AGBL4: variants seen among roughly 807,000 people sequenced by gnomAD.
AGBL4 encodes the protein AGBL carboxypeptidase 4, also known as cytosolic carboxypeptidase 6.
In AGBL4, 58 loss-of-function variants were observed where a neutral mutation model predicts 66.4. That is an observed-to-expected ratio of 0.87 (90% CI 0.71 to 1.09). The LOEUF (loss-of-function observed/expected upper bound fraction) is 1.09, where lower values mean the gene tolerates loss of function less well. AGBL4 is among the 50% of genes least tolerant of loss of function. The probability of loss-of-function intolerance (pLI) is 0.00; values close to 1 mark genes in which losing one functional copy is unlikely to be tolerated. For synonymous variants in AGBL4, 234 were observed against 222.9 expected, an observed-to-expected ratio of 1.05 and a Z score of -0.44; for missense variants, 579 against 631.0, an observed-to-expected ratio of 0.92 and a Z score of 0.88.
chr1:48,711,394 G>A (rs1646965249), intron 6 of AGBL4, among the ~76,000 whole-genome samples: 1 of 152,194 alleles, frequency 6.6e-6, no homozygotes, highest in Non-Finnish European at 1.5e-5. Context: ...GTGTGAGTTT[G>A]TGGGTCCCAG....
At chr1:49,677,793 C>G (rs1298639470) in intron 3 of AGBL4, among the ~76,000 whole-genome samples, 2 of 152,022 alleles carry the variant, frequency 1.3e-5, no homozygotes, top group Non-Finnish European at 2.9e-5. Flanking sequence ...GGATCAGTAC[C>G]CTTATAAGAA....
intron 11 of AGBL4, among the ~76,000 whole-genome samples, chr1:48,574,257 G>A (rs911728696): frequency 6.6e-6 from 1 of 152,126 alleles, no homozygotes; most frequent in Non-Finnish European, 1.5e-5. Context: ...CCAATTCTGA[G>A]TTTCTGTACT....
chr1:49,789,194 C>A (rs1447741605), intron 2 of AGBL4, among the ~76,000 whole-genome samples: 1 of 152,154 alleles, frequency 6.6e-6, no homozygotes, highest in Non-Finnish European at 1.5e-5. Context: ...ATGAAGCTGA[C>A]TTGATCGTGC....
intron 3 of AGBL4, among the ~76,000 whole-genome samples, chr1:49,585,801 A>G (rs1644636667): frequency 1.3e-5 from 2 of 152,194 alleles, no homozygotes; most frequent in Non-Finnish European, 2.9e-5. Flanking sequence ...GCTATGACAA[A>G]TATACAAACA....
chr1:48,717,948 T>TGCTG (rs1363107140), intron 6 of AGBL4, among the ~76,000 whole-genome samples: 2 of 152,198 alleles, frequency 1.3e-5, no homozygotes, highest in African/African-American at 2.4e-5. Context: ...ATGAATTATT[T>TGCTG]GCTGTAGCTT....
At chr1:49,485,644 A>G (rs977469471) in intron 3 of AGBL4, among the ~76,000 whole-genome samples, 1 of 151,884 alleles carries the variant, frequency 6.6e-6, no homozygotes, top group Non-Finnish European at 1.5e-5. Flanking sequence ...ATTAAAAAAA[A>G]AAAGAATGAG....
intron 3 of AGBL4, among the ~76,000 whole-genome samples, chr1:49,538,174 T>TA (rs1485032365): frequency 6.6e-6 from 1 of 152,208 alleles, no homozygotes; most frequent in Admixed American, 6.5e-5. Flanking sequence ...GCACTATTCA[T>TA]AATAACAAAG....
chr1:49,147,016 G>C (rs1020431835), intron 4 of AGBL4, among the ~76,000 whole-genome samples: 1 of 152,224 alleles, frequency 6.6e-6, no homozygotes, highest in Non-Finnish European at 1.5e-5. Flanking sequence ...TGACCTTATA[G>C]AGAAGCAGAA....
intron 2 of AGBL4, among the ~76,000 whole-genome samples, chr1:49,827,201 G>A (rs188027191): frequency 6.3e-4 from 95 of 151,926 alleles, no homozygotes; most frequent in African/African-American, 2.1e-3. Flanking sequence ...AGAGATATGC[G>A]GTATATCAGT....
intron 4 of AGBL4, among the ~76,000 whole-genome samples, chr1:49,231,565 G>T (rs888082640): frequency 2.0e-5 from 3 of 152,192 alleles, no homozygotes; most frequent in Non-Finnish European, 4.4e-5. Context: ...TGCAGAAAGT[G>T]CAGTATTTAA....
intron 3 of AGBL4, among the ~76,000 whole-genome samples, chr1:49,323,112 T>G (rs1035566839): frequency 1.2e-4 from 18 of 152,228 alleles, no homozygotes; most frequent in Non-Finnish European, 2.9e-5. Flanking sequence ...AGAAACAGTT[T>G]TGATTGTAAA....
chr1:48,731,549 G>A (rs1407873555), intron 6 of AGBL4, among the ~76,000 whole-genome samples: 1 of 152,202 alleles, frequency 6.6e-6, no homozygotes, highest in Non-Finnish European at 1.5e-5. Flanking sequence ...AAAGGTCAGA[G>A]ATGATTTCCT....
At chr1:48,916,835 G>A (rs10430111) in intron 5 of AGBL4, among the ~76,000 whole-genome samples, 15,804 of 152,166 alleles carry the variant, frequency 0.1, 922 homozygotes, top group African/African-American at 0.12. Context: ...CTTTGATAAG[G>A]ATTGAATGAG....
At position 49,061,926 on chromosome 1, in the gene AGBL4, C is replaced by T. The variant is rs546053522; in HGVS notation, c.378-16126G>A. Among the ~76,000 whole-genome samples, 9 of 152,286 alleles carry T rather than the reference C, an allele frequency of 5.9e-5. No homozygotes were observed. The East Asian group carries it at 1.5e-3, about 26-fold the overall frequency. On this transcript the variant is annotated intron_variant, in intron 4 of 13. Coordinates refer to ENST00000371839, the MANE Select transcript of AGBL4 (RefSeq NM_032785.4). ...AACTCTCTAGAGCAGGGGTCCCCAA[C>T]CCCTGGGGCCACGGACAGGCCACAC...
chr1:48,977,988 C>T (rs1234194230), intron 5 of AGBL4, among the ~76,000 whole-genome samples: 1 of 152,136 alleles, frequency 6.6e-6, no homozygotes, highest in Non-Finnish European at 1.5e-5. Flanking sequence ...GTGACTGTGA[C>T]TAAAAGCCAT....
intron 5 of AGBL4, among the ~76,000 whole-genome samples, chr1:49,044,737 C>T (rs1412104541): frequency 6.6e-6 from 1 of 152,096 alleles, no homozygotes; most frequent in East Asian, 1.9e-4. Flanking sequence ...CAAAGTGATA[C>T]AGCATGAAAA....
chr1:49,813,788 G>T (rs537082406), intron 2 of AGBL4, among the ~76,000 whole-genome samples: 7 of 152,228 alleles, frequency 4.6e-5, no homozygotes, highest in African/African-American at 1.4e-4. Context: ...GGATAACAGA[G>T]ATACGGAATA....
chr1:49,118,311 G>A (rs1242075013), intron 4 of AGBL4, among the ~76,000 whole-genome samples: 2 of 152,172 alleles, frequency 1.3e-5, no homozygotes, highest in Non-Finnish European at 2.9e-5. Context: ...CAAAGGGAAT[G>A]CTTCCAATTT....
intron 4 of AGBL4, among the ~76,000 whole-genome samples, chr1:49,171,752 ACT>A (rs1390009579): frequency 1.3e-5 from 2 of 152,114 alleles, no homozygotes; most frequent in African/African-American, 4.8e-5. Flanking sequence ...TCAGGGAGAC[ACT>A]CACTTTTTCC....
Sources: allele counts gnomAD v4.1 joint callset (sites outside exome capture counted in the v4.1 genomes callset), GRCh38; gene constraint gnomAD v4.1.1; transcripts MANE v1.5; gene names NCBI Gene and HGNC (gene_info 2026-07-23, HGNC 2026-07-21).